The following AMER1 variants were observed in gnomAD, a reference collection of about 807,000 sequenced individuals.
The protein encoded by AMER1 is APC membrane recruitment protein 1.
In AMER1, 16 loss-of-function variants were observed where a neutral mutation model predicts 53.0. The observed-to-expected ratio is 0.30, with a 90% confidence interval of 0.20 to 0.46. The LOEUF is 0.46. Among genes scored for constraint, AMER1 ranks in the 20% least tolerant of loss-of-function variants. AMER1 has a pLI of 1.00. For missense variants in AMER1, 947 were observed against 884.9 expected (o/e 1.07, Z -0.89); for synonymous variants, 354 against 331.9 (o/e 1.07, Z -0.73).
rs1427303837 is a variant in AMER1 at position 64,185,490 on chromosome X, T to A, written c.*4389A>T. ...CAGCAGGAAAAATAAGCACCAATAA[T>A]AATAACAATAATTAAAGTCCCACCT... is the stretch of plus-strand genomic sequence containing the variant. On this transcript the variant is annotated 3_prime_UTR_variant, in exon 2 of 2. Coordinates refer to ENST00000374869, the MANE Select transcript of AMER1 (RefSeq NM_152424.4). 3 of 70,002 alleles carry A rather than the reference T, an allele frequency of 4.3e-5. No individual in the cohort carries two copies. Among genetic ancestry groups the A allele is most frequent in the Non-Finnish European group, 7.5e-5 (3 of 40,206 alleles). 5.8% of individuals were successfully genotyped at this position (70,002 alleles called of 1,213,427 possible).
rs1602068303 is a variant in AMER1, at chrX:64,192,763, C to G, written c.524G>C (p.Ser175Thr). The stretch of plus-strand genomic sequence containing the variant: ...CTTGCTCTTCCGGTGACGGCGGATA[C>G]TGCTAAAAAAGCCTTTTAGGCCTTT... ...PKKGLKGFFS[S>T]IRRHRKSKVT... Residue 175 changes from serine to threonine, a missense_variant, in exon 2 of 2, where the codon AGT becomes ACT. By Grantham distance (58) the Ser-to-Thr change is moderately conservative (BLOSUM62 1). Coordinates refer to ENST00000374869, the MANE Select transcript of AMER1 (RefSeq NM_152424.4). The G allele has an allele frequency of 8.3e-7, 1 of 1,208,042 alleles. No individual in the cohort carries two copies. Among genetic ancestry groups the G allele is most frequent in the Non-Finnish European group, 1.1e-6 (1 of 894,266 alleles).
rs1449105435 is a variant in AMER1, at chrX:64,187,485, G to C, written c.*2394C>G. 5 of 784,997 alleles carry C rather than the reference G, an allele frequency of 6.4e-6. No individual in the cohort carries two copies. The highest frequency in any genetic ancestry group is 7.6e-6 in the Non-Finnish European group (5 of 658,253). 64.7% of individuals were successfully genotyped at this position (784,997 alleles called of 1,213,427 possible). A position where few individuals can be genotyped will look rare whatever the true frequency, so the allele number is the denominator to read the frequency against. On this transcript the variant is annotated 3_prime_UTR_variant, in exon 2 of 2. Coordinates refer to ENST00000374869, the MANE Select transcript of AMER1 (RefSeq NM_152424.4). The stretch of plus-strand genomic sequence containing the variant: ...GTGCCCCTCAGAGACAATGCCTCAT[G>C]CTGCCTTCCTGATCCTGAGGGCAGC...
rs755635008 is a variant in AMER1 at position 64,192,079 on chromosome X, T to C, written c.1208A>G (p.Asp403Gly). 196 of 1,210,143 alleles carry C rather than the reference T, an allele frequency of 1.6e-4. No homozygotes were observed. In the South Asian group the frequency reaches 3.2e-3, roughly 20 times the overall value. The change falls in exon 2 of 2, where the codon GAT (aspartate) becomes GGT (glycine). Residue 403 changes from aspartate to glycine, a missense_variant. Physicochemically the swap from Asp to Gly is moderately conservative, Grantham distance 94 (BLOSUM62 -1). Coordinates refer to ENST00000374869, the MANE Select transcript of AMER1 (RefSeq NM_152424.4). The part of the protein sequence containing the change: ...EEEEVKEEEE[D>G]DDLEYLWETA... Reference sequence around the variant, plus strand: ...TTCCCACAGATATTCTAAGTCATCATCTTCTTCCTCCTCCTTAACCTCCTC... The same window carrying C: ...TTCCCACAGATATTCTAAGTCATCACCTTCTTCCTCCTCCTTAACCTCCTC...
In AMER1 at chrX:64,192,937, G is replaced by C. The variant is rs1198543372; in HGVS notation, c.350C>G (p.Ser117Cys). The change falls in exon 2 of 2, where the codon TCC (serine) becomes TGC (cysteine). Residue 117 changes from serine to cysteine, a missense_variant. Transcript: ENST00000374869. ...GCAGGGTAACTCAGGCAAAGGCAGG[G>C]AGAAGCCAGTTCCTTCACTGACAAC... ...EDVVSEGTGF[S>C]LPLPELPCQF... 2.2e-5 allele frequency: 27 copies of C among 1,209,912 alleles called. No homozygotes were observed. The highest frequency in any genetic ancestry group is 3.0e-5 in the Non-Finnish European group (27 of 895,233).
chrX:64,186,196 G>C lies in AMER1; in HGVS notation c.*3683C>G, dbSNP rs780747344. ...TCTTCTGCTGTCCCTATCATGGGGG[G>C]AGGGAACGGACAGTGTGGTACAGCT... On this transcript the variant is annotated 3_prime_UTR_variant, in exon 2 of 2. Coordinates refer to ENST00000374869, the MANE Select transcript of AMER1 (RefSeq NM_152424.4). The C allele has an allele frequency of 8.3e-7, 1 of 1,208,999 alleles. No homozygotes were observed. Among genetic ancestry groups the C allele is most frequent in the Non-Finnish European group, 1.1e-6 (1 of 893,864 alleles).
rs1930128504 is a variant in AMER1, at chrX:64,187,289, C to T, written c.*2590G>A. The T allele has an allele frequency of 1.3e-6, 1 of 787,650 alleles. No homozygotes were observed. The highest frequency in any genetic ancestry group is 8.0e-5 in the Admixed American group (1 of 12,491). The allele number at this position is 787,650 out of a possible 1,213,427, so 64.9% of individuals were successfully genotyped here. ...GGAACCTGCTTCTGCAGCCACATATCCTGGCTGCCCCACTTCAGGTGGTAA... is the reference window on the plus strand; with the variant it reads ...GGAACCTGCTTCTGCAGCCACATATTCTGGCTGCCCCACTTCAGGTGGTAA... On this transcript the variant is annotated 3_prime_UTR_variant, in exon 2 of 2. Coordinates refer to ENST00000374869, the MANE Select transcript of AMER1 (RefSeq NM_152424.4).
rs1930112942 is a variant in AMER1 at position 64,186,449 on chromosome X, TAA to T, written c.*3428_*3429del. The T allele has an allele frequency of 1.4e-6, 1 of 707,440 alleles. No individual in the cohort carries two copies. The highest frequency in any genetic ancestry group is 2.3e-5 in the African/African-American group (1 of 42,603). The allele number at this position is 707,440 out of a possible 1,213,427, so 58.3% of individuals were successfully genotyped here. On this transcript the variant is annotated 3_prime_UTR_variant, in exon 2 of 2. Transcript: ENST00000374869. ...TTTTGATATATATATATATATATAT[TAA>T]AAACAACTTGAATGCAACATACACA...
chrX:64,189,534 A>AT lies in AMER1; in HGVS notation c.*344dup, dbSNP rs1349158944. The AT allele has an allele frequency of 4.0e-5, 4 of 99,687 alleles. No homozygotes were observed. Among genetic ancestry groups the AT allele is most frequent in the African/African-American group, 3.4e-4 (3 of 8,770 alleles). The allele number at this position is 99,687 out of a possible 1,213,427, so 8.2% of individuals were successfully genotyped here. On this transcript the variant is annotated 3_prime_UTR_variant, in exon 2 of 2. Transcript: ENST00000374869. ...TGTGTGTATATATATATATATATAT[A>AT]TATATATATATATATATATATATAA...
intron 1 of AMER1, among the ~76,000 whole-genome samples, chrX:64,202,040 G>T (rs981282538): frequency 8.9e-6 from 1 of 111,966 alleles, no homozygotes; most frequent in Non-Finnish European, 1.9e-5. Context: ...GTTTTGCCAT[G>T]TTGCCCGAGC....
At position 64,190,031 on chromosome X, in the gene AMER1, G is replaced by A. The variant is rs1296222452; in HGVS notation, c.3256C>T (p.Gln1086Ter). Reference sequence around the variant, plus strand: ...TGCTCAGGCCGGACCCTGGGCAGCTGAGGAATGCCATGGGTGATGCCCACA... The same window carrying A: ...TGCTCAGGCCGGACCCTGGGCAGCTAAGGAATGCCATGGGTGATGCCCACA... ...KPVGITHGIPQLPRVRPEHPQ... is the reference protein window; with the variant it reads ...KPVGITHGIP The change falls in exon 2 of 2, where the codon CAG (glutamine) becomes TAG (stop). Residue 1086 changes from glutamine to a stop codon, truncating the protein, a stop_gained. Coordinates refer to ENST00000374869, the MANE Select transcript of AMER1 (RefSeq NM_152424.4). LOFTEE classifies it high-confidence loss of function. 1 of 1,207,141 alleles carries A rather than the reference G, an allele frequency of 8.3e-7. No individual in the cohort carries two copies. The highest frequency in any genetic ancestry group is 1.1e-6 in the Non-Finnish European group (1 of 892,955).
Position 64,191,313 on chromosome X carries a change from G to T in AMER1, c.1974C>A (p.Pro658=). The T allele has an allele frequency of 8.3e-7, 1 of 1,211,797 alleles. No individual in the cohort carries two copies. The highest frequency in any genetic ancestry group is 1.1e-6 in the Non-Finnish European group (1 of 895,495). ...EKPVLEYQMR[P]LGPSVMGLAA... ...CCAGGCCCATCACTGATGGGCCTAA[G>T]GGCCTCATCTGATACTCTAAGACGG... Residue 658 remains proline (P), a synonymous_variant, in exon 2 of 2, where the codon CCC becomes CCA. Transcript: ENST00000374869.
chrX:64,197,215 G>T (rs1052461202), intron 1 of AMER1, among the ~76,000 whole-genome samples: 1 of 112,624 alleles, frequency 8.9e-6, no homozygotes, highest in African/African-American at 3.2e-5. Flanking sequence ...GTGGGCTGGG[G>T]GTTAAGAGAA....
chrX:64,189,793 A>AGCGGG lies in AMER1; in HGVS notation c.*85_*86insCCCGC. 3.4e-6 allele frequency: 1 copy of AGCGGG among 292,073 alleles called. No homozygotes were observed. The highest frequency in any genetic ancestry group is 1.7e-4 in the East Asian group (1 of 5,962). The allele number at this position is 292,073 out of a possible 1,213,427, so 24.1% of individuals were successfully genotyped here. On this transcript the variant is annotated 3_prime_UTR_variant, in exon 2 of 2. Transcript: ENST00000374869. ...CAAAGGGTTTTCAAGTTAAACAACA[A>AGCGGG]CCCCCACCCCCCCACCCTTCTGCCC...
chrX:64,204,016 C>T (rs1014791390), intron 1 of AMER1, among the ~76,000 whole-genome samples: 2 of 112,099 alleles, frequency 1.8e-5, no homozygotes, highest in African/African-American at 6.5e-5. Context: ...CCCTGCAGCC[C>T]ACAGGGCTCT....
intron 1 of AMER1, among the ~76,000 whole-genome samples, chrX:64,194,909 T>C (rs190235978): frequency 9.0e-6 from 1 of 111,291 alleles, no homozygotes; most frequent in African/African-American, 3.3e-5. Context: ...GAATCATCAG[T>C]GTGATGATCC....
At position 64,186,101 on chromosome X, in the gene AMER1, G is replaced by C. The variant is rs746384837; in HGVS notation, c.*3778C>G. 1 of 1,198,161 alleles carries C rather than the reference G, an allele frequency of 8.3e-7. No individual in the cohort carries two copies. Among genetic ancestry groups the C allele is most frequent in the East Asian group, 3.0e-5 (1 of 33,644 alleles). On this transcript the variant is annotated 3_prime_UTR_variant, in exon 2 of 2. Transcript: ENST00000374869. ...GAAAGAAAAACATAAAATAAAGCCAGAAAATGACAAGCTGTCTACCAGGTC... is the reference window on the plus strand; with the variant it reads ...GAAAGAAAAACATAAAATAAAGCCACAAAATGACAAGCTGTCTACCAGGTC...
intron 1 of AMER1, among the ~76,000 whole-genome samples, chrX:64,204,506 G>T (rs1930554695): frequency 1.8e-5 from 2 of 113,315 alleles, no homozygotes; most frequent in African/African-American, 6.4e-5. Context: ...GTCTCCAGCA[G>T]ACAATGACAG....
chrX:64,200,437 G>C (rs928332182), intron 1 of AMER1, among the ~76,000 whole-genome samples: 1 of 112,394 alleles, frequency 8.9e-6, no homozygotes, highest in African/African-American at 3.2e-5. Flanking sequence ...AAGCTTGGGA[G>C]GGGACAAGGA....
intron 1 of AMER1, among the ~76,000 whole-genome samples, chrX:64,200,424 C>G (rs1207227956): frequency 2.7e-5 from 3 of 112,372 alleles, no homozygotes; most frequent in African/African-American, 9.7e-5. Flanking sequence ...AGTGAGGAAA[C>G]TGAAGCTTGG....
Sources: allele counts gnomAD v4.1 joint callset (sites outside exome capture counted in the v4.1 genomes callset), GRCh38; gene constraint gnomAD v4.1.1; transcripts MANE v1.5; gene names NCBI Gene and HGNC (gene_info 2026-07-23, HGNC 2026-07-21).